The following GLP2R variants were observed in gnomAD, a reference collection of about 807,000 sequenced individuals.
GLP2R encodes glucagon like peptide 2 receptor.
A neutral mutation model predicts 68.2 loss-of-function variants in GLP2R; 59 were observed. That is an observed-to-expected ratio of 0.87 (90% confidence interval 0.70 to 1.07). The LOEUF is 1.07. Ranked by LOEUF, GLP2R falls within the 50% of genes least tolerant of loss-of-function variation. The pLI, the probability that GLP2R is intolerant of heterozygous loss-of-function variation, is 0.00. For missense variants in GLP2R, 548 were observed against 677.4 expected, an observed-to-expected ratio of 0.81 and a Z score of 2.12; for synonymous variants, 270 against 265.4, an observed-to-expected ratio of 1.02 and a Z score of -0.17.
At chr17:9,862,189 T>C in intron 9 of GLP2R, 99 bp downstream of exon 9, 1 of 838,888 alleles carries the variant, frequency 1.2e-6, no homozygotes, top group Non-Finnish European at 2.0e-6. Flanking sequence ...CTCTGATCCC[T>C]TGAGAGAGAG....
chr17:9,838,992 A>G (rs1209038903), intron 3 of GLP2R, among the ~76,000 whole-genome samples: 1 of 152,228 alleles, frequency 6.6e-6, no homozygotes, highest in Non-Finnish European at 1.5e-5. Context: ...CTGATGGCAA[A>G]CAGAAGCTGT....
At chr17:9,839,784 C>A (rs754450353) in intron 3 of GLP2R, among the ~76,000 whole-genome samples, 5 of 152,212 alleles carry the variant, frequency 3.3e-5, no homozygotes, top group Non-Finnish European at 7.3e-5. Context: ...AACTCCCAGG[C>A]TCTGCACCTG....
intron 10 of GLP2R, among the ~76,000 whole-genome samples, chr17:9,872,509 G>A (rs768103986): frequency 2.6e-5 from 4 of 152,238 alleles, no homozygotes; most frequent in Non-Finnish European, 5.9e-5. Flanking sequence ...TTCGGGAGGC[G>A]GAGGTTGCAG....
In GLP2R at chr17:9,857,448, A is replaced by G. The variant is rs1597389895; in HGVS notation, c.637A>G (p.Ile213Val). 1 of 1,614,056 alleles carries G rather than the reference A, an allele frequency of 6.2e-7. No homozygotes were observed. The highest frequency in any genetic ancestry group is 1.3e-5 in the African/African-American group (1 of 74,914). The change falls in exon 6 of 13, where the codon ATC becomes GTC. Residue 213 changes from isoleucine to valine, a missense_variant. Transcript: ENST00000262441. ...AAAACTCCACTGCACGCGCAACTAC[A>G]TCCACATGAACTTGTTTGCTTCTTT... ...LRKLHCTRNYIHMNLFASFIL... is the reference protein window; with the variant it reads ...LRKLHCTRNYVHMNLFASFIL...
chr17:9,888,489 CAG>C (rs2152051401), intron 12 of GLP2R, among the ~76,000 whole-genome samples: 1 of 152,196 alleles, frequency 6.6e-6, no homozygotes, highest in African/African-American at 2.4e-5. Flanking sequence ...TTTTTTGAGA[CAG>C]AGTCTCACTC....
chr17:9,863,504 A>G (rs1360258201), intron 9 of GLP2R, among the ~76,000 whole-genome samples: 1 of 152,162 alleles, frequency 6.6e-6, no homozygotes, highest in Non-Finnish European at 1.5e-5. Flanking sequence ...TAACCGTAGC[A>G]CTGTGCAGCT....
chr17:9,871,011 T>A (rs540551715), intron 10 of GLP2R, among the ~76,000 whole-genome samples, 176 bp downstream of exon 10: 3 of 152,242 alleles, frequency 2.0e-5, no homozygotes, highest in African/African-American at 7.2e-5. Context: ...GGACCTTCTA[T>A]GACGATGAAG....
intron 4 of GLP2R, among the ~76,000 whole-genome samples, chr17:9,851,867 C>T (rs2315576): frequency 0.62 from 93,583 of 151,600 alleles, 30,629 homozygotes; most frequent in African/African-American, 0.84. Context: ...CAGTAAGTTG[C>T]TTGGAAAATT....
intron 11 of GLP2R, among the ~76,000 whole-genome samples, chr17:9,882,407 G>A (rs1239662172): frequency 6.6e-6 from 1 of 152,254 alleles, no homozygotes; most frequent in Non-Finnish European, 1.5e-5. Context: ...GACAGCCACA[G>A]TGGGCCTTGA....
chr17:9,857,363 G>T (rs1842317252), intron 5 of GLP2R, 60 bp from the exon 6 acceptor site: 2 of 1,496,390 alleles, frequency 1.3e-6, no homozygotes, highest in African/African-American at 1.4e-5. Flanking sequence ...AAAAGGCAGA[G>T]GCCTGTTGGT....
At chr17:9,828,062 C>G (rs951664992) in intron 1 of GLP2R, among the ~76,000 whole-genome samples, 1 of 152,096 alleles carries the variant, frequency 6.6e-6, no homozygotes, top group Non-Finnish European at 1.5e-5. Context: ...CCTCCAATCC[C>G]CATGTAGGGC....
intron 5 of GLP2R, among the ~76,000 whole-genome samples, chr17:9,856,117 A>G (rs184139722): frequency 8.5e-4 from 130 of 152,318 alleles, no homozygotes; most frequent in African/African-American, 2.9e-3. Flanking sequence ...AGTCATGACC[A>G]TCTACCCCAT....
chr17:9,882,039 A>T (rs1471278331), intron 11 of GLP2R, among the ~76,000 whole-genome samples: 1 of 73,558 alleles, frequency 1.4e-5, no homozygotes, highest in Non-Finnish European at 3.3e-5. Flanking sequence ...CACATTAACT[A>T]AAAAAAAAAA....
intron 1 of GLP2R, among the ~76,000 whole-genome samples, chr17:9,828,248 T>G (rs1051702028): frequency 2.0e-5 from 3 of 152,230 alleles, no homozygotes; most frequent in African/African-American, 2.4e-5. Context: ...ATGGAATTCT[T>G]GCCATCTTGG....
intron 9 of GLP2R, chr17:9,865,766 G>A: frequency 2.1e-6 from 1 of 469,382 alleles, no homozygotes; most frequent in South Asian, 1.6e-5. Flanking sequence ...GCCTAGAAGG[G>A]AATATTTCAC....
chr17:9,886,524 A>T (rs1174295630), intron 11 of GLP2R, among the ~76,000 whole-genome samples: 1 of 152,232 alleles, frequency 6.6e-6, no homozygotes, highest in Non-Finnish European at 1.5e-5. Flanking sequence ...GGCAAATATT[A>T]CCTGTCCCGC....
Position 9,860,014 on chromosome 17 carries a change from G to A in GLP2R, c.838G>A (p.Val280Ile). 6.2e-7 allele frequency: 1 copy of A among 1,613,614 alleles called. No individual in the cohort carries two copies. The highest frequency in any genetic ancestry group is 8.5e-7 in the Non-Finnish European group (1 of 1,179,910). The change falls in exon 7 of 13, where the codon GTT becomes ATT. Residue 280 changes from valine to isoleucine, a missense_variant. Coordinates refer to ENST00000262441, the MANE Select transcript of GLP2R (RefSeq NM_004246.3). ...FVGANYLWLLVEGLYLHTLLE... is the reference protein window; with the variant it reads ...FVGANYLWLLIEGLYLHTLLE... ...GGGTGCCAATTACTTATGGCTGCTG[G>A]TTGAAGGCCTCTACCTCCACACGCT...
At chr17:9,874,338 C>A (rs1244224583) in intron 10 of GLP2R, among the ~76,000 whole-genome samples, 2 of 152,026 alleles carry the variant, frequency 1.3e-5, no homozygotes. Flanking sequence ...TTCCTCTCCC[C>A]TGCCCTTGTT....
At chr17:9,846,108 T>C (rs2152035260) in intron 4 of GLP2R, among the ~76,000 whole-genome samples, 1 of 152,340 alleles carries the variant, frequency 6.6e-6, no homozygotes, top group East Asian at 1.9e-4. Context: ...AATATGTCAA[T>C]ACTGTTTTCA....
Sources: allele counts gnomAD v4.1 joint callset (sites outside exome capture counted in the v4.1 genomes callset), GRCh38; gene constraint gnomAD v4.1.1; transcripts MANE v1.5; gene names NCBI Gene and HGNC (gene_info 2026-07-23, HGNC 2026-07-21).